Variants in USP19 observed in about 807,000 individuals in gnomAD.
USP19 encodes the protein ubiquitin carboxyl-terminal hydrolase 19.
A neutral mutation model predicts 144.8 loss-of-function variants in USP19; 40 were observed. That is an observed-to-expected ratio of 0.28 (90% confidence interval 0.21 to 0.36). The LOEUF (loss-of-function observed/expected upper bound fraction) is 0.36, where lower values mean the gene tolerates loss of function less well. Among genes scored for constraint, USP19 ranks in the 10% least tolerant of loss-of-function variants. The pLI is 1.00. For missense variants in USP19, 1,518 were observed against 1,822.5 expected, an observed-to-expected ratio of 0.83 and a Z score of 3.04; for synonymous variants, 701 against 709.3, an observed-to-expected ratio of 0.99 and a Z score of 0.19.
chr3:49,113,255 CAT>C (rs2043468541), intron 17 of USP19, among the ~76,000 whole-genome samples: 1 of 152,344 alleles, frequency 6.6e-6, no homozygotes, highest in African/African-American at 2.4e-5. Context: ...CAGGCATACT[CAT>C]GTGTATGTCT....
rs1249407566 is a variant in USP19 at position 49,110,313 on chromosome 3, C to T, written c.3909G>A (p.Gln1303=). The T allele has an allele frequency of 4.4e-6, 7 of 1,605,740 alleles. No individual in the cohort carries two copies. The highest frequency in any genetic ancestry group is 6.0e-6 in the Non-Finnish European group (7 of 1,174,764). The change falls in exon 26 of 27, where the codon CAG becomes CAA. Residue 1303 remains glutamine (Q), a synonymous_variant. Transcript: ENST00000417901. This position sits in a 1 kb window ranked among gnomAD's most constrained non-coding sequence, Gnocchi z 6.1. ...GTACATAGGCATAACGCGTCACAACCTGGCTCTCGTCTACCGTTGTCACTG... is the reference window on the plus strand; with the variant it reads ...GTACATAGGCATAACGCGTCACAACTTGGCTCTCGTCTACCGTTGTCACTG... ...DSTVTTVDES[Q]VVTRYAYVLF...
At position 49,116,138 on chromosome 3, in the gene USP19, G is replaced by A; in HGVS notation, c.1380C>T (p.Cys460=). 6.2e-7 allele frequency: 1 copy of A among 1,613,864 alleles called. No individual in the cohort carries two copies. The highest frequency in any genetic ancestry group is 8.5e-7 in the Non-Finnish European group (1 of 1,179,954). The part of the protein sequence containing the change: ...KLRNLIEPEQ[C]TFCFTASRID... The stretch of plus-strand genomic sequence containing the variant: ...TGCGAGAAGCCGTGAAACAGAAGGT[G>A]CACTGCTCTGGCTCAATCAGATTCC... The change falls in exon 10 of 27, where the codon TGC becomes TGT. Residue 460 remains cysteine, a synonymous_variant. Transcript: ENST00000417901. The surrounding 1 kb of genome is among the most constrained non-coding windows in gnomAD (Gnocchi z 5.0).
Position 49,114,252 on chromosome 3 carries a change from C to G in USP19, c.2325G>C (p.Leu775=). 1 of 1,614,172 alleles carries G rather than the reference C, an allele frequency of 6.2e-7. No homozygotes were observed. Among genetic ancestry groups the G allele is most frequent in the South Asian group, 1.1e-5 (1 of 91,084 alleles). ...VSITFDPFLY[L]PVPLPQKQKV... is the part of the protein sequence containing the mutation. ...TTTGCTTTTGTGGCAAGGGCACCGG[C>G]AGATAAAGAAACGGGTCAAAAGTGA... Residue 775 remains leucine, a synonymous_variant, in exon 16 of 27, where the codon CTG becomes CTC. Transcript: ENST00000417901. The surrounding 1 kb of genome is among the most constrained non-coding windows in gnomAD (Gnocchi z 4.5).
rs1338589058 is a variant in USP19 at position 49,116,578 on chromosome 3, C to G, written c.1156G>C (p.Val386Leu). Residue 386 changes from valine to leucine, a missense_variant, in exon 8 of 27, where the codon GTC (valine) becomes CTC (leucine). Val to Leu is a conservative substitution (Grantham distance 32, BLOSUM62 1). Coordinates refer to ENST00000417901, the MANE Select transcript of USP19 (RefSeq NM_001199161.2). The surrounding 1 kb of genome is among the most constrained non-coding windows in gnomAD (Gnocchi z 5.0). ...CCCTTCTCATACGAGTCATTCTTGA[C>G]AAACGCCAGGTTCACCATCGACTCG... ...EPESMVNLAF[V>L]KNDSYEKGPD... 3 of 1,614,182 alleles carry G rather than the reference C, an allele frequency of 1.9e-6. No homozygotes were observed. The highest frequency in any genetic ancestry group is 1.1e-5 in the South Asian group (1 of 91,086).
At chr3:49,120,163 C>T (rs1051018453) in intron 1 of USP19, among the ~76,000 whole-genome samples, 5 of 152,186 alleles carry the variant, frequency 3.3e-5, no homozygotes, top group African/African-American at 1.2e-4. Context: ...CTGGGGAGGA[C>T]CACAGATCCA....
chr3:49,113,273 T>A (rs2043477039), intron 17 of USP19, among the ~76,000 whole-genome samples: 1 of 152,126 alleles, frequency 6.6e-6, no homozygotes, highest in African/African-American at 2.4e-5. Context: ...TGTCTATTTT[T>A]ATTTTATTTT....
rs1442358509 is a variant in USP19 at position 49,119,009 on chromosome 3, A to G, written c.124+13T>C. 8.7e-6 allele frequency: 14 copies of G among 1,613,862 alleles called. No individual in the cohort carries two copies. The highest frequency in any genetic ancestry group is 1.1e-5 in the Non-Finnish European group (13 of 1,179,838). On this transcript the variant is annotated intron_variant, in intron 2 of 26. Coordinates refer to ENST00000417901, the MANE Select transcript of USP19 (RefSeq NM_001199161.2). The stretch of plus-strand genomic sequence containing the variant: ...AGAGAAGGCCACAATTACTCTGGGA[A>G]TGCCACTCCCACCTTTCCTAGGATC...
At position 49,116,083 on chromosome 3, in the gene USP19, G is replaced by T; in HGVS notation, c.1435C>A (p.Gln479Lys). 3 of 1,612,124 alleles carry T rather than the reference G, an allele frequency of 1.9e-6. No individual in the cohort carries two copies. Among genetic ancestry groups the T allele is most frequent in the African/African-American group, 1.3e-5 (1 of 74,886 alleles). ...GGGGCCTCCAGGCCCCCCCAGCGCT[G>T]ACTCTGCCTCTTACGAAGGCAGATG... ...IDICLRKRQS[Q>K]RWGGLEAPAA... The change falls in exon 10 of 27, where the codon CAG becomes AAG. Residue 479 changes from glutamine to lysine, a missense_variant. Gln to Lys is a moderately conservative substitution (Grantham distance 53, BLOSUM62 1). Around this residue, in one of 5 missense-constraint regions of USP19, gnomAD observed 707 missense variants for 728.9 expected, o/e 0.97. Transcript: ENST00000417901. The surrounding 1 kb of genome is among the most constrained non-coding windows in gnomAD (Gnocchi z 5.0).
Position 49,115,597 on chromosome 3 carries a change from C to G in USP19, c.1735G>C (p.Val579Leu). The G allele has an allele frequency of 6.2e-7, 1 of 1,611,350 alleles. No homozygotes were observed. The highest frequency in any genetic ancestry group is 8.5e-7 in the Non-Finnish European group (1 of 1,178,592). ...TCCTCCTCCACGCTGTCTCCACTAA[C>G]TGGGCTGTGGGGCATGGGAGGCACC... ...CMVPPMPHSP[V>L]SGDSVEEEEE... The change falls in exon 12 of 27, where the codon GTT (valine) becomes CTT (leucine). Residue 579 changes from valine to leucine, a missense_variant. Transcript: ENST00000417901. The surrounding 1 kb of genome is among the most constrained non-coding windows in gnomAD (Gnocchi z 6.6).
rs775481174 is a variant in USP19, at chr3:49,108,959, C to T, written c.4039-431G>A. ...CACAGCAGCTGCCTGCAGGCGAGCT[C>T]ATCTCCAGCGACTCTGGGATACCAG... On this transcript the variant is annotated intron_variant, in intron 26 of 26. Transcript: ENST00000417901. This position sits in a 1 kb window ranked among gnomAD's most constrained non-coding sequence, Gnocchi z 4.8. 30 of 1,607,938 alleles carry T rather than the reference C, an allele frequency of 1.9e-5. No individual in the cohort carries two copies. The highest frequency in any genetic ancestry group is 2.4e-5 in the Non-Finnish European group (28 of 1,176,866).
In USP19 at chr3:49,108,424, C is replaced by G. The variant is rs1320524048; in HGVS notation, c.4143G>C (p.Glu1381Asp). 1 of 1,396,578 alleles carries G rather than the reference C, an allele frequency of 7.2e-7. No homozygotes were observed. The highest frequency in any genetic ancestry group is 1.5e-5 in the South Asian group (1 of 66,278). The allele number at this position is 1,396,578 out of a possible 1,614,324, so 86.5% of individuals were successfully genotyped here. Residue 1381 changes from glutamate to aspartate, a missense_variant, in exon 27 of 27, where the codon GAG becomes GAC. Coordinates refer to ENST00000417901, the MANE Select transcript of USP19 (RefSeq NM_001199161.2). This position sits in a 1 kb window ranked among gnomAD's most constrained non-coding sequence, Gnocchi z 4.8. ...DRPAPTYSNM[E>D]EVD Reference sequence around the variant, plus strand: ...AGCCAGGGACCTGCTAATCCACCTCCTCCATGTTGCTGTAGGTGGGGGCTG... The same window carrying G: ...AGCCAGGGACCTGCTAATCCACCTCGTCCATGTTGCTGTAGGTGGGGGCTG...
At position 49,108,543 on chromosome 3, in the gene USP19, G is replaced by A. The variant is rs1048728344; in HGVS notation, c.4039-15C>T. ...GGGCCTAGTCCCTGCAACAGAATAC[G>A]AGGACAGGGGTTGGGGGCTGCCCAG... On this transcript the variant is annotated splice_polypyrimidine_tract_variant and intron_variant, in intron 26 of 26. Coordinates refer to ENST00000417901, the MANE Select transcript of USP19 (RefSeq NM_001199161.2). The surrounding 1 kb of genome is among the most constrained non-coding windows in gnomAD (Gnocchi z 4.8). 1.9e-5 allele frequency: 23 copies of A among 1,234,370 alleles called. No homozygotes were observed. The highest frequency in any genetic ancestry group is 4.7e-5 in the African/African-American group (3 of 63,392). The allele number at this position is 1,234,370 out of a possible 1,614,324, so 76.5% of individuals were successfully genotyped here. A position where few individuals can be genotyped will look rare whatever the true frequency, so the allele number is the denominator to read the frequency against.
chr3:49,109,741 C>G (rs940780861), intron 26 of USP19, among the ~76,000 whole-genome samples: 13 of 152,328 alleles, frequency 8.5e-5, no homozygotes, highest in East Asian at 5.8e-4. Flanking sequence ...ATGCTTACCT[C>G]AAAGAGTATA....
At chr3:49,113,019 G>A (rs945306895) in intron 17 of USP19, among the ~76,000 whole-genome samples, 1 of 152,304 alleles carries the variant, frequency 6.6e-6, no homozygotes, top group East Asian at 1.9e-4. Context: ...AACCCCTGGG[G>A]AGAGCTAGCA....
chr3:49,111,824 A>G lies in USP19; in HGVS notation c.2904-11T>C. 1 of 1,575,662 alleles carries G rather than the reference A, an allele frequency of 6.3e-7. No individual in the cohort carries two copies. Among genetic ancestry groups the G allele is most frequent in the Non-Finnish European group, 8.6e-7 (1 of 1,159,024 alleles). ...ACACTCACAGAGTACCTGGCAACAG[A>G]GAACAACGCAAGTAAGACTCCTGAC... On this transcript the variant is annotated splice_polypyrimidine_tract_variant and intron_variant, in intron 20 of 26. Coordinates refer to ENST00000417901, the MANE Select transcript of USP19 (RefSeq NM_001199161.2). This position sits in a 1 kb window ranked among gnomAD's most constrained non-coding sequence, Gnocchi z 5.9.
chr3:49,109,498 T>C (rs889610899), intron 26 of USP19, among the ~76,000 whole-genome samples: 1 of 152,130 alleles, frequency 6.6e-6, no homozygotes, highest in African/African-American at 2.4e-5. Context: ...CACCGATTCA[T>C]AGAGAACAGG....
chr3:49,118,976 T>A, intron 2 of USP19, 46 bp downstream of exon 2: 5 of 1,612,586 alleles, frequency 3.1e-6, no homozygotes, highest in Non-Finnish European at 4.2e-6. Context: ...ACCAATAAGA[T>A]GGGAGGCAGA....
In USP19 at chr3:49,115,029, T is replaced by G; in HGVS notation, c.2111A>C (p.His704Pro). Residue 704 changes from histidine to proline, a missense_variant, in exon 14 of 27, where the codon CAC (histidine) becomes CCC (proline). Physicochemically the swap from His to Pro is moderately conservative, Grantham distance 77. This residue lies in a region of USP19 where 158 missense variants were observed against 277.3 expected (regional missense o/e 0.57). Coordinates refer to ENST00000417901, the MANE Select transcript of USP19 (RefSeq NM_001199161.2). This position sits in a 1 kb window ranked among gnomAD's most constrained non-coding sequence, Gnocchi z 6.6. ...GTTCTGAATGCGATTCAGGTCCTCG[T>G]GCAGCCCATCCAGCAGGAAAGCCAT... Reference protein sequence around the residue: ...EFMAFLLDGLHEDLNRIQNKP... With the variant: ...EFMAFLLDGLPEDLNRIQNKP... 6.2e-7 allele frequency: 1 copy of G among 1,614,176 alleles called. No homozygotes were observed. The highest frequency in any genetic ancestry group is 8.5e-7 in the Non-Finnish European group (1 of 1,180,030).
chr3:49,112,510 T>G lies in USP19; in HGVS notation c.2625A>C (p.Val875=). 6.2e-7 allele frequency: 1 copy of G among 1,613,888 alleles called. No individual in the cohort carries two copies. Among genetic ancestry groups the G allele is most frequent in the South Asian group, 1.1e-5 (1 of 91,076 alleles). The stretch of plus-strand genomic sequence containing the variant: ...TCACCTGTTGCACCTCTAGCACCAC[T>G]ACCCGCTCCTTAGCCAACTCTGAGG... The part of the protein sequence containing the change: ...LLSSELAKER[V]VVLEVQQRPQ... Residue 875 remains valine, a synonymous_variant, in exon 18 of 27, where the codon GTA becomes GTC. Coordinates refer to ENST00000417901, the MANE Select transcript of USP19 (RefSeq NM_001199161.2). The surrounding 1 kb of genome is among the most constrained non-coding windows in gnomAD (Gnocchi z 4.9).
Sources: allele counts gnomAD v4.1 joint callset (sites outside exome capture counted in the v4.1 genomes callset), GRCh38; gene constraint gnomAD v4.1.1; regional missense constraint gnomAD v4.1.1; non-coding constraint Gnocchi (gnomAD v3.1); transcripts MANE v1.5; gene names NCBI Gene and HGNC (gene_info 2026-07-23, HGNC 2026-07-21).